Variants in ZMIZ1 observed in about 807,000 individuals in gnomAD.
ZMIZ1 encodes zinc finger MIZ-type containing 1.
Under a neutral mutation model 113.9 loss-of-function variants are expected in ZMIZ1, and 17 were observed. The observed-to-expected ratio is 0.15, with a 90% confidence interval of 0.10 to 0.22. The LOEUF (loss-of-function observed/expected upper bound fraction) is 0.22. ZMIZ1 is among the 10% of genes least tolerant of loss of function. ZMIZ1 has a pLI of 1.00. For missense variants in ZMIZ1, 1,059 were observed against 1,477.8 expected (o/e 0.72, Z 4.65); for synonymous variants, 607 against 603.1 (o/e 1.01, Z -0.09).
At chr10:79,091,201 G>T in intron 1 of ZMIZ1, among the ~76,000 whole-genome samples, 1 of 152,162 alleles carries the variant, frequency 6.6e-6, no homozygotes, top group East Asian at 1.9e-4. Flanking sequence ...CCACCATGAT[G>T]TGCAATGGCA....
intron 8 of ZMIZ1, among the ~76,000 whole-genome samples, chr10:79,282,230 A>G (rs1852783243): frequency 6.6e-6 from 1 of 152,256 alleles, no homozygotes; most frequent in South Asian, 2.1e-4. Flanking sequence ...ACAATTAGCA[A>G]ACTGTTTTAG....
Position 79,210,356 on chromosome 10 carries a change from C to T in ZMIZ1, c.174+1907C>T, listed in dbSNP as rs533654548. Among the ~76,000 whole-genome samples, 7 of 152,346 alleles carry T rather than the reference C, an allele frequency of 4.6e-5. 1 individual carries two copies. Among genetic ancestry groups the T allele is most frequent in the Admixed American group, 4.6e-4 (7 of 15,306 alleles). ...TCTTGTCCATGCGTTCATTCATGAA[C>T]ATTCACTGGGCTCTTGTTGGGGGAC... On this transcript the variant is annotated intron_variant, in intron 6 of 24. Coordinates refer to ENST00000334512, the MANE Select transcript of ZMIZ1 (RefSeq NM_020338.4).
intron 7 of ZMIZ1, among the ~76,000 whole-genome samples, chr10:79,234,204 G>A (rs1849504334): frequency 6.6e-6 from 1 of 152,202 alleles, no homozygotes; most frequent in Non-Finnish European, 1.5e-5. Context: ...ATAGTTTGGA[G>A]GCTGGTGCAG....
chr10:79,304,931 G>T (rs1369603964), intron 19 of ZMIZ1, among the ~76,000 whole-genome samples: 2 of 152,164 alleles, frequency 1.3e-5, no homozygotes, highest in Non-Finnish European at 2.9e-5. Context: ...GAGGATGTAG[G>T]CACAGGGTCA....
At chr10:79,128,485 G>A (rs1426659580) in intron 2 of ZMIZ1, among the ~76,000 whole-genome samples, 2 of 152,250 alleles carry the variant, frequency 1.3e-5, no homozygotes, top group African/African-American at 4.8e-5. Flanking sequence ...GACCTTTGCA[G>A]TGTTGTTGCA....
At chr10:79,306,792 C>A (rs1854731260) in intron 22 of ZMIZ1, among the ~76,000 whole-genome samples, 1 of 152,194 alleles carries the variant, frequency 6.6e-6, no homozygotes, top group African/African-American at 2.4e-5. Flanking sequence ...AAAGTACCCC[C>A]ACTGGGTGGC....
intron 3 of ZMIZ1, among the ~76,000 whole-genome samples, chr10:79,155,900 T>C (rs1845887662): frequency 6.6e-6 from 1 of 152,252 alleles, no homozygotes; most frequent in Non-Finnish European, 1.5e-5. Context: ...CCCCCCATTT[T>C]GCTTCCAGGC....
intron 2 of ZMIZ1, among the ~76,000 whole-genome samples, chr10:79,129,681 A>G (rs1027549039): frequency 6.6e-6 from 1 of 151,924 alleles, no homozygotes; most frequent in Non-Finnish European, 1.5e-5. Flanking sequence ...CAGTCTCCCT[A>G]TTTGCACTGA....
intron 1 of ZMIZ1, among the ~76,000 whole-genome samples, chr10:79,115,023 A>T (rs888190605): frequency 6.6e-6 from 1 of 152,220 alleles, no homozygotes; most frequent in Non-Finnish European, 1.5e-5. Context: ...TCCCAGGGGA[A>T]AGGCCTGGGA....
intron 2 of ZMIZ1, among the ~76,000 whole-genome samples, chr10:79,121,769 G>C (rs1159818769): frequency 2.0e-5 from 3 of 152,158 alleles, no homozygotes; most frequent in Non-Finnish European, 2.9e-5. Flanking sequence ...AGGATCCCCG[G>C]GAGGTGATAT....
intron 7 of ZMIZ1, among the ~76,000 whole-genome samples, chr10:79,229,682 C>T (rs1030502634): frequency 2.0e-5 from 3 of 152,218 alleles, no homozygotes; most frequent in African/African-American, 4.8e-5. Context: ...TATGTTTAGA[C>T]TCTGTGATCC....
At chr10:79,293,318 A>G in intron 11 of ZMIZ1, 63 bp from the exon 12 acceptor site, 2 of 1,503,570 alleles carry the variant, frequency 1.3e-6, no homozygotes, top group Non-Finnish European at 1.8e-6. Flanking sequence ...TGCACTTTCA[A>G]TGCATGTGGC....
chr10:79,070,828 G>A (rs1258472660), intron 1 of ZMIZ1, among the ~76,000 whole-genome samples: 1 of 151,372 alleles, frequency 6.6e-6, no homozygotes. Context: ...CTTTGAGCCT[G>A]CCCGCCTGCC....
At chr10:79,086,396 G>T in intron 1 of ZMIZ1, among the ~76,000 whole-genome samples, 1 of 152,252 alleles carries the variant, frequency 6.6e-6, no homozygotes, top group Non-Finnish European at 1.5e-5. Context: ...GTTCTTGAAT[G>T]ATCAAGTGAA....
At chr10:79,208,605 G>A (rs1270194320) in intron 6 of ZMIZ1, among the ~76,000 whole-genome samples, 156 bp downstream of exon 6, 1 of 149,184 alleles carries the variant, frequency 6.7e-6, no homozygotes, top group Non-Finnish European at 1.5e-5. Context: ...GCCCTATTTG[G>A]TGTGTCCCCC....
intron 3 of ZMIZ1, among the ~76,000 whole-genome samples, chr10:79,161,667 T>C (rs1355563025): frequency 1.3e-5 from 2 of 152,226 alleles, no homozygotes; most frequent in African/African-American, 4.8e-5. Context: ...GATTCTTTGC[T>C]CTCGTCTGAG....
At chr10:79,291,823 A>G (rs1201309827) in intron 10 of ZMIZ1, among the ~76,000 whole-genome samples, 1 of 152,220 alleles carries the variant, frequency 6.6e-6, no homozygotes, top group African/African-American at 2.4e-5. Flanking sequence ...CACAGGGATC[A>G]GAAACACCTG....
chr10:79,314,553 G>A lies in ZMIZ1; in HGVS notation c.*1804G>A, dbSNP rs1219793281. The A allele has an allele frequency of 3.8e-6, 1 of 263,800 alleles. No homozygotes were observed. Among genetic ancestry groups the A allele is most frequent in the Non-Finnish European group, 7.5e-6 (1 of 132,788 alleles). The allele number at this position is 263,800 out of a possible 1,614,324, so 16.3% of individuals were successfully genotyped here. A position where few individuals can be genotyped will look rare whatever the true frequency, so the allele number is the denominator to read the frequency against. On this transcript the variant is annotated 3_prime_UTR_variant, in exon 25 of 25. Coordinates refer to ENST00000334512, the MANE Select transcript of ZMIZ1 (RefSeq NM_020338.4). ...ATGCAAATCAATTATTTTAAGAATCGCTTTTGTAAATATCTTTGTGAATAT... is the reference window on the plus strand; with the variant it reads ...ATGCAAATCAATTATTTTAAGAATCACTTTTGTAAATATCTTTGTGAATAT...
At chr10:79,070,004 CGT>C (rs1250606927) in intron 1 of ZMIZ1, among the ~76,000 whole-genome samples, 3 of 149,790 alleles carry the variant, frequency 2.0e-5, no homozygotes, top group East Asian at 2.0e-4. Context: ...GGAAGATGTG[CGT>C]GTGTGTGCGC....
Sources: allele counts gnomAD v4.1 joint callset (sites outside exome capture counted in the v4.1 genomes callset), GRCh38; gene constraint gnomAD v4.1.1; transcripts MANE v1.5; gene names NCBI Gene and HGNC (gene_info 2026-07-23, HGNC 2026-07-21).